MSH6: variants seen among roughly 807,000 people sequenced by gnomAD.
The protein encoded by MSH6 is mutS homolog 6.
In MSH6, 85 loss-of-function variants were observed where a neutral mutation model predicts 119.1. The ratio of observed to expected loss-of-function variants is 0.71; its 90% CI spans 0.60 to 0.85. The LOEUF (loss-of-function observed/expected upper bound fraction) is 0.85, where lower values mean the gene tolerates loss of function less well. MSH6 is among the 40% of genes least tolerant of loss of function. The probability of loss-of-function intolerance (pLI) is 0.00; values close to 1 mark genes in which losing one functional copy is unlikely to be tolerated. For missense variants in MSH6, 2,163 were observed against 1,655.3 expected (o/e 1.31, Z -5.32); for synonymous variants, 830 against 586.9 (o/e 1.41, Z -5.99).
At chr2:47,794,271 GTTTCTTT>G (rs1668935288) in intron 2 of MSH6, among the ~76,000 whole-genome samples, 1 of 151,780 alleles carries the variant, frequency 6.6e-6, no homozygotes, top group East Asian at 2.0e-4. Context: ...CCGGGAGTCA[GTTTCTTT>G]TTTCTTTTTT....
At chr2:47,788,934 T>TTTTTTTTTTTTTTTTTTTTG (rs1668554089) in intron 1 of MSH6, among the ~76,000 whole-genome samples, 1 of 99,650 alleles carries the variant, frequency 1.0e-5, no homozygotes, top group Non-Finnish European at 2.0e-5. Context: ...TTTTTTTTTT[T>TTTTTTTTTTTTTTTTTTTTG]TTTTTTTTTT....
At chr2:47,787,406 G>C (rs1169041039) in intron 1 of MSH6, among the ~76,000 whole-genome samples, 1 of 152,136 alleles carries the variant, frequency 6.6e-6, no homozygotes, top group Non-Finnish European at 1.5e-5. Flanking sequence ...TTTTAAACCA[G>C]AATTCAAAAG....
chr2:47,786,496 A>C (rs886823724), intron 1 of MSH6, among the ~76,000 whole-genome samples: 5 of 132,260 alleles, frequency 3.8e-5, no homozygotes, highest in Admixed American at 2.4e-4. Flanking sequence ...CACCACGCCC[A>C]GCTAATTTTT....
downstream of MSH6, chr2:47,807,017 TGG>T: frequency 1.5e-6 from 1 of 664,580 alleles, no homozygotes; most frequent in South Asian, 1.7e-5. Flanking sequence ...TTCTACATAA[TGG>T]TTATTGAATA....
intron 2 of MSH6, among the ~76,000 whole-genome samples, chr2:47,793,539 G>A (rs1024171399): frequency 2.4e-4 from 36 of 151,276 alleles, no homozygotes; most frequent in African/African-American, 8.2e-4. Flanking sequence ...CCTGGTAGGC[G>A]GAGGTTGCAG....
downstream of MSH6, chr2:47,809,470 T>G (rs1025595373): frequency 1.1e-4 from 79 of 750,568 alleles, no homozygotes; most frequent in Non-Finnish European, 1.6e-4. Context: ...AAAGCTCTGT[T>G]TCTTTCAAAA....
intron 1 of MSH6, chr2:47,783,871 G>A (rs1668173987): frequency 2.0e-6 from 2 of 995,264 alleles, no homozygotes; most frequent in Admixed American, 6.0e-5. Context: ...GGGCGAGAAG[G>A]GGAAGGCGCC....
rs182024561 is a variant in MSH6, at chr2:47,805,662, C to G, written c.3601C>G (p.Leu1201Val). ...FVELSETASILMHATAHSLVL... is the reference protein window; with the variant it reads ...FVELSETASIVMHATAHSLVL... ...TGAATTAAGTGAAACTGCCAGCATACTCATGCATGCAACAGCACATTCTCT... is the reference window on the plus strand; with the variant it reads ...TGAATTAAGTGAAACTGCCAGCATAGTCATGCATGCAACAGCACATTCTCT... Residue 1201 changes from leucine to valine, a missense_variant, in exon 7 of 10, where the codon CTC becomes GTC. By Grantham distance (32) the Leu-to-Val change is conservative. Coordinates refer to ENST00000234420, the MANE Select transcript of MSH6 (RefSeq NM_000179.3). The G allele has an allele frequency of 2.5e-6, 4 of 1,612,912 alleles. No homozygotes were observed. The highest frequency in any genetic ancestry group is 1.1e-5 in the South Asian group (1 of 91,064).
At chr2:47,808,235 G>A, downstream of MSH6, 1 of 1,613,236 alleles carries the variant, frequency 6.2e-7, no homozygotes, top group Non-Finnish European at 8.5e-7. Context: ...CAGCACCACA[G>A]TCACAGAAAA....
intron 2 of MSH6, among the ~76,000 whole-genome samples, chr2:47,793,114 AG>A (rs1668843351): frequency 6.6e-6 from 1 of 151,722 alleles, no homozygotes; most frequent in South Asian, 2.1e-4. Flanking sequence ...TGAGGTCAGG[AG>A]TTCCAGACTA....
intron 1 of MSH6, among the ~76,000 whole-genome samples, chr2:47,787,226 C>T (rs906848582): frequency 2.0e-5 from 3 of 152,134 alleles, no homozygotes; most frequent in African/African-American, 7.2e-5. Context: ...GAGGTTGAGG[C>T]TGCAGTAAGC....
intron 2 of MSH6, among the ~76,000 whole-genome samples, chr2:47,791,791 C>T (rs1668744440): frequency 6.6e-6 from 1 of 151,110 alleles, no homozygotes; most frequent in East Asian, 1.9e-4. Flanking sequence ...AGTTTCCTAC[C>T]TCAGCCTCCC....
chr2:47,799,621 G>T lies in MSH6; in HGVS notation c.1638G>T (p.Glu546Asp), dbSNP rs1669356333. Residue 546 changes from glutamate to aspartate, a missense_variant, in exon 4 of 10, where the codon GAG becomes GAT. By Grantham distance (45) the Glu-to-Asp change is conservative. Transcript: ENST00000234420. ...ATCTTCTTAGCCTCAAAGAAAAAGA[G>T]GAAGATTCTTCTGGCCATACTCGTG... ...SKYLLSLKEK[E>D]EDSSGHTRAY... 2 of 1,614,118 alleles carry T rather than the reference G, an allele frequency of 1.2e-6. No homozygotes were observed. The highest frequency in any genetic ancestry group is 1.7e-6 in the Non-Finnish European group (2 of 1,180,018).
downstream of MSH6, chr2:47,809,075 A>G (rs544940227): frequency 4.8e-6 from 4 of 833,704 alleles, no homozygotes; most frequent in African/African-American, 5.2e-5. Flanking sequence ...ACACCGGCAA[A>G]TAGCCAAAAA....
At chr2:47,797,550 T>A (rs1016349512) in intron 3 of MSH6, among the ~76,000 whole-genome samples, 4 of 152,254 alleles carry the variant, frequency 2.6e-5, no homozygotes, top group African/African-American at 9.6e-5. Flanking sequence ...TTTCTTATGC[T>A]ATTAATGAGC....
At chr2:47,809,422 A>C (rs111525278), downstream of MSH6, 50 of 688,876 alleles carry the variant, frequency 7.3e-5, no homozygotes, top group African/African-American at 8.6e-4. Context: ...CTAAGAATAG[A>C]ATTTTCCTTG....
intron 4 of MSH6, 83 bp downstream of exon 4, chr2:47,801,238 TAAG>T (rs1383513852): frequency 7.1e-7 from 1 of 1,408,012 alleles, no homozygotes; most frequent in East Asian, 2.3e-5. Context: ...AAATAAGTAA[TAAG>T]GTATATATGG....
intron 7 of MSH6, 28 bp from the exon 8 acceptor site, chr2:47,806,162 ATTCCTTTGAGTTAC>A (rs1433255129): frequency 6.5e-7 from 1 of 1,533,256 alleles, no homozygotes; most frequent in Admixed American, 1.7e-5. Context: ...TTTTGTTTTA[ATTCCTTTGAGTTAC>A]TTCCTTATGC....
At chr2:47,807,480 AT>A (rs1160141892), downstream of MSH6, 2 of 206,650 alleles carry the variant, frequency 9.7e-6, no homozygotes, top group African/African-American at 4.6e-5. Flanking sequence ...GCTGGATATA[AT>A]TTAAGATTAG....
Sources: gnomAD v4.1 joint callset for allele counts (sites outside exome capture counted in the v4.1 genomes callset) on GRCh38, gnomAD v4.1.1 for gene constraint, MANE v1.5 for transcripts, NCBI Gene and HGNC (gene_info 2026-07-23, HGNC 2026-07-21) for gene names.